The following ALDH4A1 variants were observed in gnomAD, a reference collection of about 807,000 sequenced individuals.
ALDH4A1 encodes delta-1-pyrroline-5-carboxylate dehydrogenase, mitochondrial.
ALDH4A1 carries 46 observed loss-of-function variants against 70.5 expected under a neutral mutation model. The ratio of observed to expected loss-of-function variants is 0.65; its 90% CI spans 0.51 to 0.83. The LOEUF is 0.83. Ranked by LOEUF, ALDH4A1 falls within the 40% of genes least tolerant of loss-of-function variation. The probability of loss-of-function intolerance (pLI) is 0.00; values close to 1 mark genes in which losing one functional copy is unlikely to be tolerated. For synonymous variants in ALDH4A1, 323 were observed against 324.3 expected, an observed-to-expected ratio of 1.00 and a Z score of 0.04; for missense variants, 749 against 766.5, an observed-to-expected ratio of 0.98 and a Z score of 0.27.
In ALDH4A1 at chr1:18,887,919, C is replaced by G. The variant is rs531536122; in HGVS notation, c.250-1408G>C. On this transcript the variant is annotated intron_variant, in intron 3 of 14. Transcript: ENST00000375341. The stretch of plus-strand genomic sequence containing the variant: ...CCTGTCTTCCCTTCAAAACCTAATG[C>G]CCGGCAGTGGTGAACGCTAGCATGA... Among the ~76,000 whole-genome samples the G allele has an allele frequency of 5.3e-5, 8 of 152,332 alleles. No individual in the cohort carries two copies. The South Asian group carries it at 1.7e-3, about 32-fold the overall frequency.
Position 18,885,544 on chromosome 1 carries a change from AGATCTGGGCCC to A in ALDH4A1, c.371_381del (p.Arg124LeufsTer15), listed in dbSNP as rs1935165131. 3.1e-6 allele frequency: 5 copies of A among 1,611,068 alleles called. No homozygotes were observed. The highest frequency in any genetic ancestry group is 1.3e-5 in the African/African-American group (1 of 74,910). On this transcript the variant is annotated frameshift_variant, in exon 5 of 15. Coordinates refer to ENST00000375341, the MANE Select transcript of ALDH4A1 (RefSeq NM_003748.4). LOFTEE classifies it high-confidence loss of function. ...CTCAGCATGTCTGCCGCCTTCAGGA[AGATCTGGGCCC>A]GGTCTGCAATAGGCTTCAGGTCCCA...
At chr1:18,882,035 C>A (rs1438428804) in intron 7 of ALDH4A1, 148 bp from the exon 8 acceptor site, 17 of 838,794 alleles carry the variant, frequency 2.0e-5, no homozygotes, top group Non-Finnish European at 3.3e-5. Context: ...CCCCACTCCT[C>A]CAAGGCGTCT....
chr1:18,885,728 C>G (rs987690697), intron 4 of ALDH4A1, 100 bp from the exon 5 acceptor site: 82 of 1,524,624 alleles, frequency 5.4e-5, no homozygotes, highest in Non-Finnish European at 7.0e-5. Context: ...TCTCTTCCAT[C>G]CGGGGACAAT....
At position 18,877,679 on chromosome 1, in the gene ALDH4A1, A is replaced by G. The variant is rs6426814; in HGVS notation, c.941-67T>C. On this transcript the variant is annotated intron_variant, in intron 9 of 14. Transcript: ENST00000375341. Reference sequence around the variant, plus strand: ...TCCCCCGGTTGCCCAGGGGCCCAAAACACCACCTACGCCATCCATGGCCCG... The same window carrying G: ...TCCCCCGGTTGCCCAGGGGCCCAAAGCACCACCTACGCCATCCATGGCCCG... 0.79 allele frequency: 1,169,508 copies of G among 1,472,098 alleles called. 467,178 individuals carry two copies. Among genetic ancestry groups the G allele is most frequent in the East Asian group, 0.91 (39,585 of 43,312 alleles). The allele number at this position is 1,472,098 out of a possible 1,614,324, so 91.2% of individuals were successfully genotyped here.
At chr1:18,901,043 C>A in intron 1 of ALDH4A1, 1 of 288,422 alleles carries the variant, frequency 3.5e-6, no homozygotes. Context: ...CATGTAAATT[C>A]CCTGGGTACC....
At chr1:18,882,497 T>C (rs535854850) in intron 7 of ALDH4A1, 4 of 507,298 alleles carry the variant, frequency 7.9e-6, no homozygotes, top group South Asian at 5.7e-5. Flanking sequence ...CCAACCTCAC[T>C]CCGATAATGG....
chr1:18,874,343 G>T, intron 14 of ALDH4A1, 120 bp downstream of exon 14: 1 of 935,878 alleles, frequency 1.1e-6, no homozygotes, highest in Non-Finnish European at 1.7e-6. Context: ...CACTTGCTTG[G>T]CCCACAATAA....
chr1:18,890,773 C>T lies in ALDH4A1; in HGVS notation c.63-668G>A, dbSNP rs1254653145. ...ACATGCAAAGCGTTACTCTCCCTTT[C>T]TTCTCCCACAAGGCAGGCTTTATCC... On this transcript the variant is annotated intron_variant, in intron 1 of 14. Coordinates refer to ENST00000375341, the MANE Select transcript of ALDH4A1 (RefSeq NM_003748.4). The T allele has an allele frequency of 2.4e-5, 24 of 985,432 alleles. No individual in the cohort carries two copies. In the South Asian group the frequency reaches 9.4e-4, roughly 39 times the overall value. The allele number at this position is 985,432 out of a possible 1,614,324, so 61.0% of individuals were successfully genotyped here. A position where few individuals can be genotyped will look rare whatever the true frequency, so the allele number is the denominator to read the frequency against.
In ALDH4A1 at chr1:18,875,289, C is replaced by G. The variant is rs1217339786; in HGVS notation, c.1460+93G>C. The G allele has an allele frequency of 2.5e-6, 4 of 1,593,540 alleles. No homozygotes were observed. In the African/African-American group the frequency reaches 5.4e-5, roughly 21 times the overall value. ...GGGGACAGAGAGAAGGTAGGGGCAG[C>G]ATTATTACTGGGAACCACGTCCAGG... is the stretch of plus-strand genomic sequence containing the variant. On this transcript the variant is annotated intron_variant, in intron 13 of 14. Coordinates refer to ENST00000375341, the MANE Select transcript of ALDH4A1 (RefSeq NM_003748.4).
At chr1:18,890,189 G>T (rs1308791388) in intron 1 of ALDH4A1, 84 bp from the exon 2 acceptor site, 8 of 1,204,748 alleles carry the variant, frequency 6.6e-6, no homozygotes, top group African/African-American at 1.5e-5. Context: ...CTCCGACAGG[G>T]GGTCCTAGGT....
rs377221652 is a variant in ALDH4A1 at position 18,898,794 on chromosome 1, C to T, written c.62+3668G>A. On this transcript the variant is annotated intron_variant, in intron 1 of 14. Transcript: ENST00000375341. This position sits in a 1 kb window ranked among gnomAD's most constrained non-coding sequence, Gnocchi z 4.3. ...GCAACCGTTCAACGCCTACTGTGTGCCGGGCCAGATGCAGGGCACAGGAGG... is the reference window on the plus strand; with the variant it reads ...GCAACCGTTCAACGCCTACTGTGTGTCGGGCCAGATGCAGGGCACAGGAGG... 6.6e-6 allele frequency among the ~76,000 whole-genome samples: 1 copy of T among 152,238 alleles called. No individual in the cohort carries two copies. The highest frequency in any genetic ancestry group is 2.4e-5 in the African/African-American group (1 of 41,464).
At position 18,872,811 on chromosome 1, in the gene ALDH4A1, G is replaced by T; in HGVS notation, c.*34C>A. On this transcript the variant is annotated 3_prime_UTR_variant, in exon 15 of 15. Transcript: ENST00000375341. ...TGCAGTGAGGTCGGCCACCTGGACG[G>T]ACAGACAGCTGGACGGTGGAGCCCG... is the stretch of plus-strand genomic sequence containing the variant. 1 of 1,575,564 alleles carries T rather than the reference G, an allele frequency of 6.3e-7. No homozygotes were observed. The highest frequency in any genetic ancestry group is 1.1e-5 in the South Asian group (1 of 90,142).
intron 11 of ALDH4A1, among the ~76,000 whole-genome samples, 198 bp from the exon 12 acceptor site, chr1:18,876,665 G>GTGTGTGTGTGTGTGTGTGTGTGTGTA (rs1161563189): frequency 5.3e-5 from 8 of 152,042 alleles, no homozygotes; most frequent in African/African-American, 1.9e-4. Context: ...TGAACACTGT[G>GTGTGTGTGTGTGTGTGTGTGTGTGTA]TGTGTGTGTG....
Position 18,874,331 on chromosome 1 carries a change from T to A in ALDH4A1, c.1579+132A>T, listed in dbSNP as rs924067294. The A allele has an allele frequency of 1.1e-5, 9 of 817,892 alleles. No homozygotes were observed. In the African/African-American group the frequency reaches 1.5e-4, roughly 14 times the overall value. 50.7% of individuals were successfully genotyped at this position (817,892 alleles called of 1,614,324 possible). A position where few individuals can be genotyped will look rare whatever the true frequency, so the allele number is the denominator to read the frequency against. On this transcript the variant is annotated intron_variant, in intron 14 of 14. Coordinates refer to ENST00000375341, the MANE Select transcript of ALDH4A1 (RefSeq NM_003748.4). ...GTTTGCTGAAAGGACCCTGAGCTAG[T>A]GCACTTGCTTGGCCCACAATAAGTG...
At chr1:18,874,623 C>G (rs985377082) in intron 13 of ALDH4A1, 42 bp from the exon 14 acceptor site, 1 of 1,590,196 alleles carries the variant, frequency 6.3e-7, no homozygotes, top group African/African-American at 1.3e-5. Flanking sequence ...CAGCTCATCT[C>G]CCCTCCAGCC....
In ALDH4A1 at chr1:18,877,231, A is replaced by C. The variant is rs41273175; in HGVS notation, c.1162T>G (p.Phe388Val). The C allele has an allele frequency of 1.4e-5, 23 of 1,608,388 alleles. No homozygotes were observed. The highest frequency in any genetic ancestry group is 1.8e-5 in the Non-Finnish European group (21 of 1,177,258). ...GDPAEDFGTF[F>V]SAVIDAKSFA... ...ACCTTGGCATCAATCACTGCAGAGA[A>C]GAAGGTCCCAAAATCCTCTGCAGGC... is the stretch of plus-strand genomic sequence containing the variant. Residue 388 changes from phenylalanine to valine, a missense_variant, in exon 11 of 15, where the codon TTC becomes GTC. By Grantham distance (50) the Phe-to-Val change is conservative. Transcript: ENST00000375341.
chr1:18,873,641 C>A, intron 14 of ALDH4A1, among the ~76,000 whole-genome samples: 1 of 152,198 alleles, frequency 6.6e-6, no homozygotes, highest in Admixed American at 6.5e-5. Context: ...CGTCCACATG[C>A]CAAGGGGGTG....
intron 9 of ALDH4A1, among the ~76,000 whole-genome samples, chr1:18,879,096 TGTG>T (rs1934857185): frequency 1.3e-5 from 2 of 152,244 alleles, no homozygotes; most frequent in African/African-American, 2.4e-5. Flanking sequence ...TCCATGGCCA[TGTG>T]TGGCTGGTGG....
Position 18,885,456 on chromosome 1 carries a change from G to GCCCCCCCCCCCC in ALDH4A1, c.453+16_453+17insGGGGGGGGGGGG. The GCCCCCCCCCCCC allele has an allele frequency of 1.8e-6, 1 of 541,838 alleles. No individual in the cohort carries two copies. The highest frequency in any genetic ancestry group is 1.8e-5 in the South Asian group (1 of 56,880). 33.6% of individuals were successfully genotyped at this position (541,838 alleles called of 1,614,324 possible). A position where few individuals can be genotyped will look rare whatever the true frequency, so the allele number is the denominator to read the frequency against. ...ACCCCACCCCGCCCCACCCACCCGG[G>GCCCCCCCCCCCC]CCCACCAGCACCTCACCTGTCCCAC... On this transcript the variant is annotated intron_variant, in intron 5 of 14. Coordinates refer to ENST00000375341, the MANE Select transcript of ALDH4A1 (RefSeq NM_003748.4).
Sources: allele counts gnomAD v4.1 joint callset (sites outside exome capture counted in the v4.1 genomes callset), GRCh38; gene constraint gnomAD v4.1.1; non-coding constraint Gnocchi (gnomAD v3.1); transcripts MANE v1.5; gene names NCBI Gene and HGNC (gene_info 2026-07-23, HGNC 2026-07-21).